The following UGT1A6 variants were observed in gnomAD, a reference collection of about 807,000 sequenced individuals.
UGT1A6 encodes the protein UDP glucuronosyltransferase family 1 member A6, also known as UDP-glucuronosyltransferase 1A6.
A neutral mutation model predicts 44.4 loss-of-function variants in UGT1A6; 32 were observed. That is an observed-to-expected ratio of 0.72 (90% CI 0.54 to 0.97). The LOEUF (loss-of-function observed/expected upper bound fraction) is 0.97, where lower values mean the gene tolerates loss of function less well. UGT1A6 is among the 50% of genes least tolerant of loss of function. UGT1A6 has a pLI of 0.00. For synonymous variants in UGT1A6, 238 were observed against 248.5 expected, an observed-to-expected ratio of 0.96 and a Z score of 0.40; for missense variants, 685 against 661.9, an observed-to-expected ratio of 1.03 and a Z score of -0.38.
rs930932436 is a variant in UGT1A6 at position 233,769,919 on chromosome 2, G to A, written c.1301+1480G>A. The A allele has an allele frequency of 1.0e-5, 3 of 286,172 alleles. No individual in the cohort carries two copies. Among genetic ancestry groups the A allele is most frequent in the Non-Finnish European group, 1.3e-5 (2 of 153,080 alleles). 17.7% of individuals were successfully genotyped at this position (286,172 alleles called of 1,614,324 possible). A position where few individuals can be genotyped will look rare whatever the true frequency, so the allele number is the denominator to read the frequency against. Reference sequence around the variant, plus strand: ...GAGCATCATGTGCCCAGAGCGTTGGGTGGTGTGGTCCCATTCCTTCCTTCC... The same window carrying A: ...GAGCATCATGTGCCCAGAGCGTTGGATGGTGTGGTCCCATTCCTTCCTTCC... On this transcript the variant is annotated intron_variant, in intron 4 of 4. Coordinates refer to ENST00000305139, the MANE Select transcript of UGT1A6 (RefSeq NM_001072.4). This position sits in a 1 kb window ranked among gnomAD's most constrained non-coding sequence, Gnocchi z 4.4.
At chr2:233,698,872 C>T (rs1453450954) in intron 1 of UGT1A6, among the ~76,000 whole-genome samples, 1 of 152,262 alleles carries the variant, frequency 6.6e-6, no homozygotes, top group Non-Finnish European at 1.5e-5. Flanking sequence ...GACTTTGCGA[C>T]TTTGACCAAA....
intron 3 of UGT1A6, 80 bp from the exon 4 acceptor site, chr2:233,768,140 A>T: frequency 6.2e-7 from 1 of 1,609,884 alleles, no homozygotes; most frequent in Non-Finnish European, 8.5e-7. Flanking sequence ...GAGTCTTTGG[A>T]GTGTTTTCAG....
intron 1 of UGT1A6, among the ~76,000 whole-genome samples, chr2:233,723,421 G>T (rs2077083067): frequency 7.4e-6 from 1 of 135,012 alleles, no homozygotes; most frequent in South Asian, 2.8e-4. Context: ...TACTGGTCAG[G>T]CTGGTCTCGA....
At chr2:233,717,810 ATGCAGCCCGTTCTGTTCTGGAGGAACCAT>A (rs1283928301) in intron 1 of UGT1A6, 9 of 455,784 alleles carry the variant, frequency 2.0e-5, no homozygotes, top group Non-Finnish European at 4.0e-5. Flanking sequence ...CCCACAAATT[ATGCAGCCCGTTCTGTTCTGGAGGAACCAT>A]TCTTATCAGA....
chr2:233,713,192 G>A, intron 1 of UGT1A6: 1 of 1,614,232 alleles, frequency 6.2e-7, no homozygotes. Flanking sequence ...AGGTGAATAT[G>A]TACATCAAAG....
At chr2:233,710,719 TA>T (rs2076144799) in intron 1 of UGT1A6, among the ~76,000 whole-genome samples, 1 of 152,218 alleles carries the variant, frequency 6.6e-6, no homozygotes, top group South Asian at 2.1e-4. Context: ...TTTCATTTTT[TA>T]AAAAACAACG....
chr2:233,760,523 A>G lies in UGT1A6; in HGVS notation c.862-6511A>G, dbSNP rs1697475352. 6.2e-7 allele frequency: 1 copy of G among 1,614,204 alleles called. No individual in the cohort carries two copies. The highest frequency in any genetic ancestry group is 8.5e-7 in the Non-Finnish European group (1 of 1,180,040). On this transcript the variant is annotated intron_variant, in intron 1 of 4. Coordinates refer to ENST00000305139, the MANE Select transcript of UGT1A6 (RefSeq NM_001072.4). ...GGAGCATTTTACACCTTGAAGACGT[A>G]CCCTGTGCCATTCCAAAGGGAGGAT...
chr2:233,751,561 A>T (rs1575707240), intron 1 of UGT1A6, among the ~76,000 whole-genome samples: 1 of 152,202 alleles, frequency 6.6e-6, no homozygotes, highest in African/African-American at 2.4e-5. Flanking sequence ...TCTCATCTCA[A>T]ATTGTAATCT....
chr2:233,699,456 A>T (rs1190557826), intron 1 of UGT1A6, among the ~76,000 whole-genome samples: 1 of 152,192 alleles, frequency 6.6e-6, no homozygotes, highest in African/African-American at 2.4e-5. Flanking sequence ...CCTTAGAACA[A>T]AGGAGGTCAG....
At chr2:233,727,509 T>C (rs1200856091) in intron 1 of UGT1A6, among the ~76,000 whole-genome samples, 9 of 152,132 alleles carry the variant, frequency 5.9e-5, no homozygotes, top group Non-Finnish European at 1.3e-4. Context: ...AGCCCATGAA[T>C]GTGGGAAGAG....
chr2:233,695,740 C>T (rs1326853599), intron 1 of UGT1A6, among the ~76,000 whole-genome samples: 2 of 152,142 alleles, frequency 1.3e-5, no homozygotes, highest in African/African-American at 4.8e-5. Context: ...TGTTGCTGCA[C>T]ATGACAGGTC....
rs1437497782 is a variant in UGT1A6 at position 233,724,378 on chromosome 2, G to T, written c.861+30513G>T. Among the ~76,000 whole-genome samples the T allele has an allele frequency of 2.7e-3, 397 of 146,668 alleles. 3 individuals carry two copies. Among genetic ancestry groups the T allele is most frequent in the African/African-American group, 9.7e-3 (383 of 39,674 alleles). ...CCCTCCCGGACGGGGTGGCTGCCGG[G>T]CGGAGACGCTCCTCACTTCCCAGAT... On this transcript the variant is annotated intron_variant, in intron 1 of 4. Transcript: ENST00000305139.
chr2:233,755,783 C>G (rs142854795), intron 1 of UGT1A6: 1,687 of 152,656 alleles, frequency 0.011, 25 homozygotes, highest in Non-Finnish European at 0.017. Flanking sequence ...TTATGCCTAT[C>G]ATATGTACTG....
intron 1 of UGT1A6, among the ~76,000 whole-genome samples, chr2:233,766,038 C>T (rs1161510573): frequency 6.6e-6 from 1 of 152,144 alleles, no homozygotes; most frequent in African/African-American, 2.4e-5. Context: ...CCTCTATAGT[C>T]AGCTTGTGTT....
upstream of UGT1A6, chr2:233,692,757 G>C (rs1425174448): frequency 9.3e-6 from 11 of 1,177,646 alleles, no homozygotes; most frequent in South Asian, 1.9e-4. Context: ...GACTTGTGGA[G>C]CTGAAGAGAA....
Position 233,743,419 on chromosome 2 carries a change from G to A in UGT1A6, c.862-23615G>A, listed in dbSNP as rs577178509. The A allele has an allele frequency of 1.8e-5, 24 of 1,337,466 alleles. No individual in the cohort carries two copies. In the East Asian group the frequency reaches 1.2e-3, roughly 65 times the overall value. The allele number at this position is 1,337,466 out of a possible 1,614,324, so 82.8% of individuals were successfully genotyped here. On this transcript the variant is annotated intron_variant, in intron 1 of 4. Transcript: ENST00000305139. ...GGAAGAAAGGCCCCCACTTCCCAGG[G>A]AGCCAAAGGAACGAAATCCTGTATC... is the stretch of plus-strand genomic sequence containing the variant.
At chr2:233,734,977 G>T (rs2078594249) in intron 1 of UGT1A6, among the ~76,000 whole-genome samples, 1 of 152,188 alleles carries the variant, frequency 6.6e-6, no homozygotes, top group Non-Finnish European at 1.5e-5. Context: ...GTGCTGAGAA[G>T]AATGTATATT....
intron 1 of UGT1A6, among the ~76,000 whole-genome samples, chr2:233,758,687 A>G (rs1165998608): frequency 6.6e-5 from 10 of 152,210 alleles, no homozygotes; most frequent in Non-Finnish European, 1.5e-4. Flanking sequence ...CCCATAGGAC[A>G]CCAAAACTCT....
Position 233,772,946 on chromosome 2 carries a change from G to A in UGT1A6, c.*387G>A. On this transcript the variant is annotated 3_prime_UTR_variant, in exon 5 of 5. Transcript: ENST00000305139. ...GTTTTAATCTTATCTTTTGGCTTCT[G>A]CAGATGGTTGCAATTGATCCTTAAC... The A allele has an allele frequency of 3.1e-6, 1 of 325,346 alleles. No homozygotes were observed. Among genetic ancestry groups the A allele is most frequent in the Non-Finnish European group, 5.8e-6 (1 of 173,426 alleles). The allele number at this position is 325,346 out of a possible 1,614,324, so 20.2% of individuals were successfully genotyped here.
Sources: gnomAD v4.1 joint callset for allele counts (sites outside exome capture counted in the v4.1 genomes callset) on GRCh38, gnomAD v4.1.1 for gene constraint, Gnocchi (gnomAD v3.1) non-coding constraint, MANE v1.5 for transcripts, NCBI Gene and HGNC (gene_info 2026-07-23, HGNC 2026-07-21) for gene names.